The following MAL2 variants were observed in gnomAD, a reference collection of about 807,000 sequenced individuals.
MAL2 encodes the protein protein MAL2.
A neutral mutation model predicts 18.1 loss-of-function variants in MAL2; 17 were observed. The ratio of observed to expected loss-of-function variants is 0.94; its 90% CI spans 0.64 to 1.41. The LOEUF is 1.41. Among genes scored for constraint, MAL2 ranks in the 40% most tolerant of loss-of-function variants. MAL2 has a pLI of 0.00. For synonymous variants in MAL2, 102 were observed against 102.3 expected, an observed-to-expected ratio of 1.00 and a Z score of 0.02; for missense variants, 222 against 231.9, an observed-to-expected ratio of 0.96 and a Z score of 0.28.
Position 119,208,536 on chromosome 8 carries a change from C to T in MAL2, c.64C>T (p.Arg22Trp). ...PNPAVSFPPP[R>W]VTLPAGPDIL... ...CCCCGCCGTGTCCTTCCCGCCGCCCCGGGTCACCCTGCCCGCCGGCCCCGA... is the reference window on the plus strand; with the variant it reads ...CCCCGCCGTGTCCTTCCCGCCGCCCTGGGTCACCCTGCCCGCCGGCCCCGA... The change falls in exon 1 of 4, where the codon CGG becomes TGG. Residue 22 changes from arginine to tryptophan, a missense_variant. Coordinates refer to ENST00000614891, the MANE Select transcript of MAL2 (RefSeq NM_052886.3). The surrounding 1 kb of genome is among the most constrained non-coding windows in gnomAD (Gnocchi z 4.3). 4 of 1,393,790 alleles carry T rather than the reference C, an allele frequency of 2.9e-6. No individual in the cohort carries two copies. Among genetic ancestry groups the T allele is most frequent in the East Asian group, 3.1e-5 (1 of 32,698 alleles). 86.3% of individuals were successfully genotyped at this position (1,393,790 alleles called of 1,614,324 possible). A position where few individuals can be genotyped will look rare whatever the true frequency, so the allele number is the denominator to read the frequency against.
At chr8:119,215,173 T>C (rs1012650725) in intron 1 of MAL2, 1 of 152,256 alleles carries the variant, frequency 6.6e-6, no homozygotes, top group South Asian at 2.1e-4. Flanking sequence ...TAACTTTCCA[T>C]CTCAGCCTCC....
chr8:119,244,689 T>C lies in MAL2; in HGVS notation c.*1201T>C, dbSNP rs1818115764. 1 of 152,204 alleles carries C rather than the reference T, an allele frequency of 6.6e-6. No individual in the cohort carries two copies. Among genetic ancestry groups the C allele is most frequent in the South Asian group, 2.1e-4 (1 of 4,832 alleles). The allele number at this position is 152,204 out of a possible 1,614,324, so 9.4% of individuals were successfully genotyped here. ...TAAAGTTGTAGATTCTTATGTGTTT[T>C]TGTATTAGCCCAGACATCTGTAATG... On this transcript the variant is annotated 3_prime_UTR_variant, in exon 4 of 4. Transcript: ENST00000614891.
At chr8:119,230,872 T>C (rs139900795) in intron 2 of MAL2, among the ~76,000 whole-genome samples, 61 of 152,340 alleles carry the variant, frequency 4.0e-4, no homozygotes, top group African/African-American at 1.4e-3. Context: ...TACAAACGTG[T>C]GGCCAGTATG....
At position 119,240,232 on chromosome 8, in the gene MAL2, C is replaced by T; in HGVS notation, c.371C>T (p.Thr124Ile). 3 of 1,613,808 alleles carry T rather than the reference C, an allele frequency of 1.9e-6. No homozygotes were observed. Among genetic ancestry groups the T allele is most frequent in the Non-Finnish European group, 2.5e-6 (3 of 1,179,832 alleles). ...GCCTTTTTATTGGAAGCAGCAGCCA[C>T]ATCCCTGCATGATTTGCATTGCAAT... ...FGAFLLEAAA[T>I]SLHDLHCNTT... The change falls in exon 3 of 4, where the codon ACA becomes ATA. Residue 124 changes from threonine (T) to isoleucine (I), a missense_variant. Coordinates refer to ENST00000614891, the MANE Select transcript of MAL2 (RefSeq NM_052886.3).
rs1052775312 is a variant in MAL2, at chr8:119,208,976, G to A, written c.132+372G>A. 6.1e-6 allele frequency: 1 copy of A among 164,980 alleles called. No homozygotes were observed. The highest frequency in any genetic ancestry group is 1.3e-5 in the Non-Finnish European group (1 of 76,642). The allele number at this position is 164,980 out of a possible 1,614,324, so 10.2% of individuals were successfully genotyped here. On this transcript the variant is annotated intron_variant, in intron 1 of 3. Coordinates refer to ENST00000614891, the MANE Select transcript of MAL2 (RefSeq NM_052886.3). This position sits in a 1 kb window ranked among gnomAD's most constrained non-coding sequence, Gnocchi z 4.3. ...TGGCCGGAGCGAGCTCCTGGCTCTC[G>A]GCCTCGCCTGTTGCTAACCTGCCAT... is the stretch of plus-strand genomic sequence containing the variant.
intron 2 of MAL2, among the ~76,000 whole-genome samples, chr8:119,236,325 A>T (rs1817891464): frequency 6.7e-6 from 1 of 148,536 alleles, no homozygotes; most frequent in Non-Finnish European, 1.5e-5. Context: ...AGAGACTTAG[A>T]CTCCCACACA....
At chr8:119,230,892 T>A (rs981185846) in intron 2 of MAL2, among the ~76,000 whole-genome samples, 6 of 152,234 alleles carry the variant, frequency 3.9e-5, no homozygotes, top group African/African-American at 1.4e-4. Context: ...GTAACACTTT[T>A]CTTAAATCTT....
At chr8:119,215,228 G>T (rs1285840734) in intron 1 of MAL2, 1 of 152,172 alleles carries the variant, frequency 6.6e-6, no homozygotes, top group African/African-American at 2.4e-5. Context: ...AATAACTTGA[G>T]AATTGAGAAG....
At chr8:119,223,883 T>C (rs1192654087) in intron 2 of MAL2, 10 of 152,262 alleles carry the variant, frequency 6.6e-5, no homozygotes. Flanking sequence ...TTGTACACTC[T>C]CCCAGGAAAA....
intron 1 of MAL2, among the ~76,000 whole-genome samples, chr8:119,214,108 G>A (rs1473625061): frequency 6.6e-6 from 1 of 152,190 alleles, no homozygotes; most frequent in East Asian, 1.9e-4. Context: ...TGATATGGCT[G>A]AATAGAAATG....
chr8:119,233,007 A>G (rs1187036789), intron 2 of MAL2, among the ~76,000 whole-genome samples: 3 of 33,452 alleles, frequency 9.0e-5, no homozygotes, highest in Non-Finnish European at 7.5e-4. Context: ...TTTACTTCCA[A>G]CTATGTGGTC....
At chr8:119,217,212 C>T (rs772078753) in intron 1 of MAL2, among the ~76,000 whole-genome samples, 24 of 152,198 alleles carry the variant, frequency 1.6e-4, no homozygotes, top group Non-Finnish European at 3.1e-4. Flanking sequence ...GGTAGGGTTT[C>T]AGCCAAGTCA....
rs1250711803 is a variant in MAL2, at chr8:119,244,168, T to C, written c.*680T>C. Reference sequence around the variant, plus strand: ...AACCTTAGTTATATATGATCTGCATTTTCTTGAACTGATCATTGAAAACTT... The same window carrying C: ...AACCTTAGTTATATATGATCTGCATCTTCTTGAACTGATCATTGAAAACTT... On this transcript the variant is annotated 3_prime_UTR_variant, in exon 4 of 4. Coordinates refer to ENST00000614891, the MANE Select transcript of MAL2 (RefSeq NM_052886.3). The C allele has an allele frequency of 6.6e-6, 1 of 152,192 alleles. No individual in the cohort carries two copies. The highest frequency in any genetic ancestry group is 1.5e-5 in the Non-Finnish European group (1 of 68,034). The allele number at this position is 152,192 out of a possible 1,614,324, so 9.4% of individuals were successfully genotyped here.
At chr8:119,241,477 C>G (rs976451803) in intron 3 of MAL2, among the ~76,000 whole-genome samples, 1 of 152,120 alleles carries the variant, frequency 6.6e-6, no homozygotes, top group African/African-American at 2.4e-5. Context: ...AGCGACAGAC[C>G]AAGACTCTGG....
chr8:119,230,015 AT>A (rs997931303), intron 2 of MAL2, among the ~76,000 whole-genome samples: 1 of 152,162 alleles, frequency 6.6e-6, no homozygotes, highest in Non-Finnish European at 1.5e-5. Context: ...GACCCACCTG[AT>A]TTTTTGAGTT....
Position 119,208,693 on chromosome 8 carries a change from GC to G in MAL2, c.132+94del. The G allele has an allele frequency of 8.2e-7, 1 of 1,213,084 alleles. No individual in the cohort carries two copies. Among genetic ancestry groups the G allele is most frequent in the Non-Finnish European group, 1.0e-6 (1 of 974,616 alleles). The allele number at this position is 1,213,084 out of a possible 1,614,324, so 75.1% of individuals were successfully genotyped here. On this transcript the variant is annotated intron_variant, in intron 1 of 3. Coordinates refer to ENST00000614891, the MANE Select transcript of MAL2 (RefSeq NM_052886.3). The surrounding 1 kb of genome is among the most constrained non-coding windows in gnomAD (Gnocchi z 4.3). ...CCCCGGGCTGTCTTCCTCTGCGTCC[GC>G]CCCCGGCCTCCTTCCCTTCGACGTG... is the stretch of plus-strand genomic sequence containing the variant.
At chr8:119,213,773 G>A (rs574526932) in intron 1 of MAL2, among the ~76,000 whole-genome samples, 4 of 152,182 alleles carry the variant, frequency 2.6e-5, no homozygotes, top group South Asian at 2.1e-4. Flanking sequence ...AGCCAAGATC[G>A]CACCATCACC....
intron 3 of MAL2, among the ~76,000 whole-genome samples, chr8:119,242,127 C>T (rs1818060055): frequency 6.6e-6 from 1 of 152,168 alleles, no homozygotes; most frequent in Non-Finnish European, 1.5e-5. Flanking sequence ...ATTCTTGTAT[C>T]TTGGATCATT....
rs1158684870 is a variant in MAL2, at chr8:119,243,508, G to GT, written c.*21dup. 6.4e-7 allele frequency: 1 copy of GT among 1,566,770 alleles called. No homozygotes were observed. The highest frequency in any genetic ancestry group is 1.4e-5 in the African/African-American group (1 of 73,880). On this transcript the variant is annotated 3_prime_UTR_variant, in exon 4 of 4. Coordinates refer to ENST00000614891, the MANE Select transcript of MAL2 (RefSeq NM_052886.3). Reference sequence around the variant, plus strand: ...CCGTAACACTCCTTAGAAACTGGCAGTCGTATGTTAGTTTCACTTGTCTAC... The same window carrying GT: ...CCGTAACACTCCTTAGAAACTGGCAGTTCGTATGTTAGTTTCACTTGTCTAC...
Sources: allele counts gnomAD v4.1 joint callset (sites outside exome capture counted in the v4.1 genomes callset), GRCh38; gene constraint gnomAD v4.1.1; non-coding constraint Gnocchi (gnomAD v3.1); transcripts MANE v1.5; gene names NCBI Gene and HGNC (gene_info 2026-07-23, HGNC 2026-07-21).